RANBP17: variants seen among roughly 807,000 people sequenced by gnomAD.
RANBP17 encodes the protein ran-binding protein 17.
Under a neutral mutation model 141.2 loss-of-function variants are expected in RANBP17, and 158 were observed. The ratio of observed to expected loss-of-function variants is 1.12; its 90% CI spans 0.98 to 1.28. The LOEUF is 1.28. Among genes scored for constraint, RANBP17 ranks in the 50% most tolerant of loss-of-function variants. The pLI is 0.00. For synonymous variants in RANBP17, 430 were observed against 450.0 expected, an observed-to-expected ratio of 0.96 and a Z score of 0.56; for missense variants, 1,438 against 1,290.7, an observed-to-expected ratio of 1.11 and a Z score of -1.75.
chr5:170,993,984 T>C (rs1444201909), intron 14 of RANBP17, among the ~76,000 whole-genome samples: 1 of 152,106 alleles, frequency 6.6e-6, no homozygotes, highest in Non-Finnish European at 1.5e-5. Flanking sequence ...TGTTAAACGC[T>C]TTAAGGAGCT....
intron 14 of RANBP17, among the ~76,000 whole-genome samples, chr5:171,068,750 C>A (rs1784457826): frequency 6.6e-6 from 1 of 152,062 alleles, no homozygotes; most frequent in South Asian, 2.1e-4. Flanking sequence ...CCACGCCCGG[C>A]TAATTTTTGT....
At chr5:171,126,085 C>T (rs1756445221) in intron 14 of RANBP17, among the ~76,000 whole-genome samples, 2 of 152,008 alleles carry the variant, frequency 1.3e-5, no homozygotes, top group South Asian at 2.1e-4. Context: ...TACGCCCAGC[C>T]GTAAATTTTT....
chr5:171,273,540 A>G (rs970639360), intron 25 of RANBP17, among the ~76,000 whole-genome samples: 3 of 152,226 alleles, frequency 2.0e-5, no homozygotes, highest in Non-Finnish European at 4.4e-5. Context: ...AGAAGGTCAG[A>G]CCCAGTGTTG....
At chr5:170,863,116 C>A (rs926882496) in intron 1 of RANBP17, among the ~76,000 whole-genome samples, 1 of 152,110 alleles carries the variant, frequency 6.6e-6, no homozygotes, top group Admixed American at 6.5e-5. Context: ...AGGGAACTTG[C>A]AGTCTACTGG....
intron 14 of RANBP17, chr5:171,028,890 T>G: frequency 7.8e-7 from 1 of 1,287,754 alleles, no homozygotes; most frequent in Non-Finnish European, 1.0e-6. Flanking sequence ...CATCTTCCTG[T>G]GAAGGGCTTG....
chr5:171,056,002 G>A (rs2127661232), intron 14 of RANBP17, among the ~76,000 whole-genome samples: 1 of 151,498 alleles, frequency 6.6e-6, no homozygotes, highest in Non-Finnish European at 1.5e-5. Flanking sequence ...CAGCTAGAGA[G>A]AAACAAATAT....
intron 14 of RANBP17, among the ~76,000 whole-genome samples, chr5:171,017,256 T>C (rs1028192856): frequency 5.9e-5 from 9 of 152,216 alleles, no homozygotes; most frequent in African/African-American, 2.2e-4. Context: ...TATATTCCTT[T>C]GGATATATAC....
chr5:171,144,506 G>A (rs1280537581), intron 14 of RANBP17, among the ~76,000 whole-genome samples: 2 of 152,176 alleles, frequency 1.3e-5, no homozygotes, highest in African/African-American at 4.8e-5. Flanking sequence ...TAGTCCTAGA[G>A]GGAAAAAAAT....
chr5:171,054,979 G>A (rs1159307217), intron 14 of RANBP17, among the ~76,000 whole-genome samples: 2 of 152,132 alleles, frequency 1.3e-5, no homozygotes, highest in South Asian at 2.1e-4. Context: ...CTTGAGATCC[G>A]ACAGAAGGTG....
At chr5:171,185,431 A>G (rs1275123864) in intron 18 of RANBP17, among the ~76,000 whole-genome samples, 3 of 152,218 alleles carry the variant, frequency 2.0e-5, no homozygotes, top group African/African-American at 7.2e-5. Flanking sequence ...TTTGACCCAC[A>G]GGAGAACTTC....
intron 12 of RANBP17, among the ~76,000 whole-genome samples, chr5:170,933,305 C>T (rs1161187499): frequency 2.0e-5 from 3 of 151,866 alleles, no homozygotes; most frequent in Non-Finnish European, 4.4e-5. Flanking sequence ...TCTCTCTTTT[C>T]TTCTTTATTA....
intron 3 of RANBP17, among the ~76,000 whole-genome samples, chr5:170,890,934 G>C (rs76311169): frequency 0.013 from 1,917 of 152,250 alleles, 24 homozygotes; most frequent in Non-Finnish European, 0.021. Context: ...CAGTGGCATA[G>C]TCATTCTCAG....
chr5:170,906,924 T>G (rs919035777), intron 5 of RANBP17, among the ~76,000 whole-genome samples: 2 of 151,964 alleles, frequency 1.3e-5, no homozygotes, highest in Non-Finnish European at 2.9e-5. Flanking sequence ...TGGCTTTATA[T>G]GGTGAAAAAT....
chr5:171,177,553 C>G (rs1760569714), intron 16 of RANBP17, among the ~76,000 whole-genome samples: 3 of 152,150 alleles, frequency 2.0e-5, no homozygotes, highest in African/African-American at 7.2e-5. Context: ...CCTTCATTAT[C>G]TTTCACTGAA....
At chr5:170,967,246 T>A (rs1776639310) in intron 13 of RANBP17, among the ~76,000 whole-genome samples, 1 of 152,124 alleles carries the variant, frequency 6.6e-6, no homozygotes, top group Non-Finnish European at 1.5e-5. Flanking sequence ...GTAGTCATAT[T>A]TGCCTGTACA....
chr5:170,912,689 T>C (rs1442061637), intron 7 of RANBP17, among the ~76,000 whole-genome samples: 2 of 118,328 alleles, frequency 1.7e-5, no homozygotes, highest in African/African-American at 5.4e-5. Context: ...AGCAAGGAGA[T>C]GTTTGATAGG....
At chr5:170,943,983 G>A (rs1278077564) in intron 12 of RANBP17, among the ~76,000 whole-genome samples, 1 of 152,086 alleles carries the variant, frequency 6.6e-6, no homozygotes, top group Non-Finnish European at 1.5e-5. Flanking sequence ...CTGCAAGTTT[G>A]TACCATTTGA....
At chr5:171,060,486 A>C (rs1481124210) in intron 14 of RANBP17, among the ~76,000 whole-genome samples, 1 of 151,868 alleles carries the variant, frequency 6.6e-6, no homozygotes, top group East Asian at 1.9e-4. Context: ...CATATATTGA[A>C]CCAGCCTTGC....
At chr5:170,983,190 TA>T in intron 14 of RANBP17, 1 of 450,642 alleles carries the variant, frequency 2.2e-6, no homozygotes, top group Non-Finnish European at 4.2e-6. Context: ...AGCTCTCGGA[TA>T]ACAGCTGTGC....
Sources: gnomAD v4.1 joint callset for allele counts (sites outside exome capture counted in the v4.1 genomes callset) on GRCh38, gnomAD v4.1.1 for gene constraint, MANE v1.5 for transcripts, NCBI Gene and HGNC (gene_info 2026-07-23, HGNC 2026-07-21) for gene names.